MAST2: variants seen among roughly 807,000 people sequenced by gnomAD.
The protein encoded by MAST2 is microtubule-associated serine/threonine-protein kinase 2.
In MAST2, 70 loss-of-function variants were observed where a neutral mutation model predicts 147.4. The observed-to-expected ratio is 0.47, with a 90% CI of 0.39 to 0.58. The LOEUF (loss-of-function observed/expected upper bound fraction) is 0.58. Among genes scored for constraint, MAST2 ranks in the 20% least tolerant of loss-of-function variants. MAST2 has a pLI of 0.00. For missense variants in MAST2, 2,080 were observed against 2,302.3 expected (o/e 0.90, Z 1.98); for synonymous variants, 869 against 896.8 (o/e 0.97, Z 0.55).
In MAST2 at chr1:45,931,675, G is replaced by T. The variant is rs551740977; in HGVS notation, c.501-27711G>T. ...TGGCTAATTTTTGTGTTTTTTTTTAGTAGAGACAGGACTTCACCATATTGG... is the reference window on the plus strand; with the variant it reads ...TGGCTAATTTTTGTGTTTTTTTTTATTAGAGACAGGACTTCACCATATTGG... On this transcript the variant is annotated intron_variant, in intron 4 of 28. Transcript: ENST00000361297. 4.2e-4 allele frequency among the ~76,000 whole-genome samples: 64 copies of T among 151,462 alleles called. 1 individual carries two copies. The highest frequency in any genetic ancestry group is 5.9e-4 in the Admixed American group (9 of 15,206).
intron 10 of MAST2, among the ~76,000 whole-genome samples, chr1:46,014,946 G>T (rs1287372014): frequency 1.3e-5 from 2 of 151,968 alleles, no homozygotes; most frequent in Non-Finnish European, 2.9e-5. Context: ...CTCAGCAAAT[G>T]TAAAAGAACA....
At chr1:45,967,598 C>T (rs894922281) in intron 5 of MAST2, among the ~76,000 whole-genome samples, 5 of 152,104 alleles carry the variant, frequency 3.3e-5, no homozygotes, top group Admixed American at 1.3e-4. Context: ...TAAAGGTCTT[C>T]GCCTCATCAT....
rs147865875 is a variant in MAST2, at chr1:46,019,533, C to T, written c.1189-63C>T. 2.4e-4 allele frequency: 323 copies of T among 1,336,122 alleles called. 4 individuals carry two copies. The South Asian group carries it at 3.6e-3, about 15-fold the overall frequency. 82.8% of individuals were successfully genotyped at this position (1,336,122 alleles called of 1,614,324 possible). A position where few individuals can be genotyped will look rare whatever the true frequency, so the allele number is the denominator to read the frequency against. Reference sequence around the variant, plus strand: ...CTCCCTGGAGTCAGCTCTGCCCTGTCTGGTCCTGCTTAGCCCAGCCACACT... The same window carrying T: ...CTCCCTGGAGTCAGCTCTGCCCTGTTTGGTCCTGCTTAGCCCAGCCACACT... On this transcript the variant is annotated intron_variant, in intron 10 of 28. Transcript: ENST00000361297.
At chr1:45,878,891 A>G (rs1646719484) in intron 3 of MAST2, among the ~76,000 whole-genome samples, 1 of 150,594 alleles carries the variant, frequency 6.6e-6, no homozygotes, top group Non-Finnish European at 1.5e-5. Context: ...ATATTTTGAG[A>G]TATCACTTCT....
intron 4 of MAST2, among the ~76,000 whole-genome samples, chr1:45,940,910 C>T (rs10890376): frequency 0.28 from 43,072 of 152,008 alleles, 6,210 homozygotes; most frequent in South Asian, 0.39. Context: ...TGAGCCACCG[C>T]GCCTGGCCTA....
At chr1:45,806,669 C>T (rs546832422) in intron 1 of MAST2, among the ~76,000 whole-genome samples, 2 of 152,316 alleles carry the variant, frequency 1.3e-5, no homozygotes, top group Admixed American at 1.3e-4. Flanking sequence ...CCTCTGCCTC[C>T]CGGATTCAAG....
chr1:45,885,732 A>G (rs1270768908), intron 4 of MAST2, among the ~76,000 whole-genome samples: 1 of 152,160 alleles, frequency 6.6e-6, no homozygotes, highest in Non-Finnish European at 1.5e-5. Flanking sequence ...TGCATCCATC[A>G]TACTATATTA....
At chr1:45,858,496 G>A (rs1645867669) in intron 3 of MAST2, among the ~76,000 whole-genome samples, 1 of 151,454 alleles carries the variant, frequency 6.6e-6, no homozygotes, top group African/African-American at 2.4e-5. Context: ...TGAGTTCTTT[G>A]TAGATTCTGG....
chr1:45,982,757 G>A (rs1471910387), intron 5 of MAST2, among the ~76,000 whole-genome samples: 2 of 152,164 alleles, frequency 1.3e-5, no homozygotes, highest in Non-Finnish European at 2.9e-5. Context: ...CAGATATGCT[G>A]GTGGTCTTGG....
chr1:46,002,754 GGTCAGGGTGTA>G (rs763211247), intron 6 of MAST2, 40 bp from the exon 7 acceptor site: 24 of 1,536,686 alleles, frequency 1.6e-5, no homozygotes, highest in Non-Finnish European at 2.1e-5. Context: ...GCAGGTTGTG[GGTCAGGGTGTA>G]GTCCTGCAGA....
chr1:45,885,082 A>G (rs529300527), intron 4 of MAST2, among the ~76,000 whole-genome samples: 1 of 152,300 alleles, frequency 6.6e-6, no homozygotes, highest in South Asian at 2.1e-4. Context: ...TGTGTGGAAA[A>G]ACTGATGTTA....
intron 4 of MAST2, among the ~76,000 whole-genome samples, chr1:45,905,708 G>A (rs1235769838): frequency 2.0e-5 from 3 of 151,942 alleles, no homozygotes; most frequent in East Asian, 2.0e-4. Flanking sequence ...CCCAGGAGGC[G>A]GAGCTTGCAG....
chr1:46,017,629 C>T (rs575221926), intron 10 of MAST2, among the ~76,000 whole-genome samples: 7 of 152,138 alleles, frequency 4.6e-5, no homozygotes, highest in African/African-American at 1.4e-4. Flanking sequence ...TACCATCTCA[C>T]ACCAGTTAGA....
chr1:45,942,510 A>AT (rs1281290692), intron 4 of MAST2, among the ~76,000 whole-genome samples: 2 of 152,072 alleles, frequency 1.3e-5, no homozygotes. Context: ...CATTTCATTT[A>AT]TTTTTTATTT....
At chr1:45,993,309 G>T (rs192564377) in intron 5 of MAST2, among the ~76,000 whole-genome samples, 1 of 152,010 alleles carries the variant, frequency 6.6e-6, no homozygotes, top group South Asian at 2.1e-4. Context: ...ACATTTTTTT[G>T]TAGTGTGGTT....
chr1:45,884,159 G>A (rs1392043839), intron 4 of MAST2, among the ~76,000 whole-genome samples: 2 of 151,728 alleles, frequency 1.3e-5, no homozygotes, highest in Admixed American at 6.6e-5. Context: ...CCTTAAAAAC[G>A]TTTAATTAAT....
intron 7 of MAST2, among the ~76,000 whole-genome samples, chr1:46,004,217 A>T (rs931945198): frequency 6.6e-6 from 1 of 151,934 alleles, no homozygotes; most frequent in Non-Finnish European, 1.5e-5. Context: ...ACAAAAAATT[A>T]GCTGGGCGTG....
chr1:46,034,214 C>G lies in MAST2; in HGVS notation c.3816C>G (p.Ser1272=). 1 of 1,614,076 alleles carries G rather than the reference C, an allele frequency of 6.2e-7. No homozygotes were observed. The highest frequency in any genetic ancestry group is 8.5e-7 in the Non-Finnish European group (1 of 1,179,996). The change falls in exon 28 of 29, where the codon TCC becomes TCG. Residue 1272 remains serine, a synonymous_variant. Coordinates refer to ENST00000361297, the MANE Select transcript of MAST2 (RefSeq NM_015112.3). ...CTCCCACACACAGCCACAGCCTTTC[C>G]CCCCGATCTCCCACTCAAGGCTACC... ...PGSPTHSHSL[S]PRSPTQGYRV...
At chr1:46,000,488 G>A (rs1645231679) in intron 6 of MAST2, among the ~76,000 whole-genome samples, 1 of 152,088 alleles carries the variant, frequency 6.6e-6, no homozygotes. Flanking sequence ...TGATACCATG[G>A]GTCTGTTTCA....
Sources: allele counts gnomAD v4.1 joint callset (sites outside exome capture counted in the v4.1 genomes callset), GRCh38; gene constraint gnomAD v4.1.1; transcripts MANE v1.5; gene names NCBI Gene and HGNC (gene_info 2026-07-23, HGNC 2026-07-21).